The following SLC38A6 variants were observed in gnomAD, a reference collection of about 807,000 sequenced individuals.
SLC38A6 encodes N system amino acid transporter NAT-1.
SLC38A6 carries 73 observed loss-of-function variants against 65.0 expected under a neutral mutation model. The ratio of observed to expected loss-of-function variants is 1.12; its 90% CI spans 0.93 to 1.37. The LOEUF is 1.37. SLC38A6 is among the 40% of genes most tolerant of loss of function. The pLI is 0.00. For missense variants in SLC38A6, 561 were observed against 531.1 expected, an observed-to-expected ratio of 1.06 and a Z score of -0.55; for synonymous variants, 183 against 178.8, an observed-to-expected ratio of 1.02 and a Z score of -0.19.
At chr14:61,062,825 C>T (rs141545951) in intron 15 of SLC38A6, among the ~76,000 whole-genome samples, 1,866 of 152,204 alleles carry the variant, frequency 0.012, 22 homozygotes, top group African/African-American at 0.043. Flanking sequence ...GAATTACAGG[C>T]GCACGCCACC....
chr14:60,987,756 C>A (rs887793173), intron 3 of SLC38A6, among the ~76,000 whole-genome samples: 4 of 152,224 alleles, frequency 2.6e-5, no homozygotes, highest in African/African-American at 9.6e-5. Context: ...AGCTCCCCTC[C>A]ACTGGCTTCC....
Position 61,050,563 on chromosome 14 carries a change from ATGT to A in SLC38A6, c.984_986del (p.Val329del), listed in dbSNP as rs760377601. 5 of 1,593,572 alleles carry A rather than the reference ATGT, an allele frequency of 3.1e-6. No individual in the cohort carries two copies. The highest frequency in any genetic ancestry group is 4.5e-5 in the East Asian group (2 of 44,572). ...GGTTATAGTAAATACTTATCACATGATGTTGTTGTCATGACTGTGAAGTTATGC... is the reference window on the plus strand; with the variant it reads ...GGTTATAGTAAATACTTATCACATGATGTTGTCATGACTGTGAAGTTATGC... On this transcript the variant is annotated inframe_deletion, in exon 13 of 16. Coordinates refer to ENST00000267488, the MANE Select transcript of SLC38A6 (RefSeq NM_153811.3).
chr14:61,077,872 A>G (rs905532314), intron 15 of SLC38A6, among the ~76,000 whole-genome samples: 2 of 152,216 alleles, frequency 1.3e-5, no homozygotes, highest in Non-Finnish European at 2.9e-5. Flanking sequence ...ACAAAAAGTA[A>G]TTTGCTTTTA....
At chr14:61,015,691 C>A (rs1403955456) in intron 3 of SLC38A6, among the ~76,000 whole-genome samples, 1 of 152,136 alleles carries the variant, frequency 6.6e-6, no homozygotes, top group African/African-American at 2.4e-5. Flanking sequence ...GAGATTTTTA[C>A]ATAAAACAGC....
intron 3 of SLC38A6, among the ~76,000 whole-genome samples, chr14:60,993,036 C>T (rs1445370383): frequency 6.6e-6 from 1 of 151,994 alleles, no homozygotes; most frequent in South Asian, 2.1e-4. Flanking sequence ...TTAGTAGAGA[C>T]GGGGTTTTAC....
chr14:60,996,433 G>T (rs2038298315), intron 3 of SLC38A6, among the ~76,000 whole-genome samples: 1 of 151,904 alleles, frequency 6.6e-6, no homozygotes, highest in East Asian at 1.9e-4. Context: ...AAGTTTCCTG[G>T]GGGTGGAAAA....
intron 3 of SLC38A6, among the ~76,000 whole-genome samples, chr14:61,003,109 A>G (rs2038822420): frequency 1.3e-5 from 2 of 152,124 alleles, no homozygotes; most frequent in Admixed American, 6.6e-5. Flanking sequence ...AAATAAAACC[A>G]ACCAGATATT....
intron 3 of SLC38A6, among the ~76,000 whole-genome samples, chr14:61,001,044 C>G (rs1434790236): frequency 1.3e-5 from 2 of 152,280 alleles, no homozygotes; most frequent in East Asian, 1.9e-4. Flanking sequence ...ATGGGTCTAT[C>G]TAAAGTGAAT....
Position 61,052,530 on chromosome 14 carries a change from A to G in SLC38A6, c.*101A>G. ...GGATGAAAAATAACATTTTAATAAA[A>G]ATTATTAACAGAAAAGCAGAACAAA... On this transcript the variant is annotated 3_prime_UTR_variant, in exon 16 of 16. Coordinates refer to ENST00000267488, the MANE Select transcript of SLC38A6 (RefSeq NM_153811.3). The G allele has an allele frequency of 1.4e-6, 2 of 1,424,842 alleles. No homozygotes were observed. The highest frequency in any genetic ancestry group is 9.1e-7 in the Non-Finnish European group (1 of 1,094,534). 88.3% of individuals were successfully genotyped at this position (1,424,842 alleles called of 1,614,324 possible).
chr14:61,000,319 T>C (rs1190656991), intron 3 of SLC38A6, among the ~76,000 whole-genome samples: 1 of 152,218 alleles, frequency 6.6e-6, no homozygotes, highest in Non-Finnish European at 1.5e-5. Context: ...AAAAATTATG[T>C]GTAGTCAAAC....
intron 8 of SLC38A6, among the ~76,000 whole-genome samples, chr14:61,040,233 A>G (rs1212058642): frequency 6.6e-6 from 1 of 151,676 alleles, no homozygotes. Flanking sequence ...GTGCAGTGGC[A>G]TGATCATAGC....
intron 3 of SLC38A6, among the ~76,000 whole-genome samples, chr14:61,001,650 CCTCT>C (rs1227708637): frequency 2.0e-5 from 3 of 152,056 alleles, no homozygotes; most frequent in African/African-American, 4.8e-5. Context: ...TTGGTGATTG[CCTCT>C]CTAAGTCTAA....
chr14:61,007,527 A>C (rs1203576817), intron 3 of SLC38A6, among the ~76,000 whole-genome samples: 1 of 152,174 alleles, frequency 6.6e-6, no homozygotes, highest in Non-Finnish European at 1.5e-5. Flanking sequence ...CTGTGGTCCC[A>C]GCAACTCCAG....
intron 2 of SLC38A6, among the ~76,000 whole-genome samples, chr14:60,984,039 A>G (rs936703496): frequency 3.9e-5 from 6 of 152,220 alleles, no homozygotes; most frequent in African/African-American, 1.4e-4. Flanking sequence ...CACTGGGGAT[A>G]GCTGTATAGA....
intron 6 of SLC38A6, chr14:61,030,849 G>T (rs2040939199): frequency 1.8e-5 from 3 of 170,662 alleles, no homozygotes; most frequent in South Asian, 3.5e-4. Context: ...CTGGGGATAT[G>T]CAAGACACAG....
intron 3 of SLC38A6, among the ~76,000 whole-genome samples, chr14:61,014,332 TC>T (rs1425790561): frequency 7.2e-5 from 11 of 152,316 alleles, no homozygotes; most frequent in Non-Finnish European, 1.5e-4. Flanking sequence ...GGTTCGAACT[TC>T]CTCCTTTAGC....
intron 15 of SLC38A6, among the ~76,000 whole-genome samples, chr14:61,064,742 A>G (rs1332011596): frequency 1.3e-5 from 2 of 151,564 alleles, no homozygotes; most frequent in African/African-American, 2.4e-5. Context: ...CTTAATGTTC[A>G]TAATTTATTA....
At chr14:61,015,066 T>G (rs1294799553) in intron 3 of SLC38A6, among the ~76,000 whole-genome samples, 1 of 152,214 alleles carries the variant, frequency 6.6e-6, no homozygotes, top group African/African-American at 2.4e-5. Context: ...CTTTACCTAT[T>G]GAAGCCTCGG....
chr14:61,069,753 A>G (rs2043162526), intron 15 of SLC38A6, among the ~76,000 whole-genome samples: 2 of 152,024 alleles, frequency 1.3e-5, no homozygotes, highest in Non-Finnish European at 2.9e-5. Flanking sequence ...GTAATTTTGT[A>G]TTCAGTTTTT....
Sources: gnomAD v4.1 joint callset for allele counts (sites outside exome capture counted in the v4.1 genomes callset) on GRCh38, gnomAD v4.1.1 for gene constraint, MANE v1.5 for transcripts, NCBI Gene and HGNC (gene_info 2026-07-23, HGNC 2026-07-21) for gene names.